The following PREX1 variants were observed in gnomAD, a reference collection of about 807,000 sequenced individuals.
PREX1 encodes phosphatidylinositol 3,4,5-trisphosphate-dependent Rac exchanger 1 protein.
In PREX1, 41 loss-of-function variants were observed where a neutral mutation model predicts 198.3. That is an observed-to-expected ratio of 0.21 (90% CI 0.16 to 0.27). The LOEUF is 0.27. Ranked by LOEUF, PREX1 falls within the 10% of genes least tolerant of loss-of-function variation. The pLI, the probability that PREX1 is intolerant of heterozygous loss-of-function variation, is 1.00. For missense variants in PREX1, 1,620 were observed against 2,200.7 expected, an observed-to-expected ratio of 0.74 and a Z score of 5.28; for synonymous variants, 843 against 887.2, an observed-to-expected ratio of 0.95 and a Z score of 0.89.
chr20:48,877,280 A>C, the PREX1 span, among the ~76,000 whole-genome samples: 1 of 152,132 alleles, frequency 6.6e-6, no homozygotes, highest in African/African-American at 2.4e-5. Context: ...TCAAAAAAAA[A>C]AAAAGAAAGA....
At chr20:48,662,400 C>A (rs6122709) in intron 15 of PREX1, among the ~76,000 whole-genome samples, 8,575 of 152,258 alleles carry the variant, frequency 0.056, 314 homozygotes, top group South Asian at 0.13. Flanking sequence ...GCTGCTGGTC[C>A]GGCTTTATAG....
chr20:48,660,306 T>C (rs1162580835), intron 15 of PREX1, among the ~76,000 whole-genome samples: 2 of 152,202 alleles, frequency 1.3e-5, no homozygotes, highest in African/African-American at 4.8e-5. Context: ...GACATTAATA[T>C]TTTACAAAGC....
Position 48,639,085 on chromosome 20 carries a change from C to T in PREX1, c.3904+681G>A, listed in dbSNP as rs544949018. Among the ~76,000 whole-genome samples, 5 of 152,338 alleles carry T rather than the reference C, an allele frequency of 3.3e-5. No individual in the cohort carries two copies. The South Asian group carries it at 6.2e-4, about 19-fold the overall frequency. On this transcript the variant is annotated intron_variant, in intron 30 of 39. Coordinates refer to ENST00000371941, the MANE Select transcript of PREX1 (RefSeq NM_020820.4). Reference sequence around the variant, plus strand: ...ATCCTTCTAACGCAGGAGTCTCAGACGCAAATGCCGGCAAGGGCCAGGCAG... The same window carrying T: ...ATCCTTCTAACGCAGGAGTCTCAGATGCAAATGCCGGCAAGGGCCAGGCAG...
At chr20:48,840,761 TC>T in the PREX1 span, among the ~76,000 whole-genome samples, 8 of 152,204 alleles carry the variant, frequency 5.3e-5, no homozygotes, top group Admixed American at 5.2e-4. Context: ...TTCTGTGAGC[TC>T]CCATAGCTGT....
intron 1 of PREX1, among the ~76,000 whole-genome samples, chr20:48,774,212 T>G (rs1027104268): frequency 6.6e-6 from 1 of 152,234 alleles, no homozygotes; most frequent in Non-Finnish European, 1.5e-5. Context: ...AGCAAATCCT[T>G]GCACAATGTG....
rs1270031538 is a variant in PREX1 at position 48,666,178 on chromosome 20, G to A, written c.1738+105C>T. On this transcript the variant is annotated intron_variant, in intron 15 of 39. Coordinates refer to ENST00000371941, the MANE Select transcript of PREX1 (RefSeq NM_020820.4). The surrounding 1 kb of genome is among the most constrained non-coding windows in gnomAD (Gnocchi z 4.3). ...TCGTGAGCCTCCCCAAACCCCCGGG[G>A]GTCTAGAGAGCCACAGACCTGGCTT... 2 of 1,180,340 alleles carry A rather than the reference G, an allele frequency of 1.7e-6. No individual in the cohort carries two copies. The highest frequency in any genetic ancestry group is 2.6e-5 in the East Asian group (1 of 38,530). The allele number at this position is 1,180,340 out of a possible 1,614,324, so 73.1% of individuals were successfully genotyped here.
At chr20:48,705,682 G>T (rs2089899633) in intron 6 of PREX1, among the ~76,000 whole-genome samples, 1 of 152,176 alleles carries the variant, frequency 6.6e-6, no homozygotes, top group Non-Finnish European at 1.5e-5. Flanking sequence ...TTTCTAGCTA[G>T]AACGTATTAT....
intron 1 of PREX1, among the ~76,000 whole-genome samples, chr20:48,752,006 A>T (rs1439571542): frequency 6.6e-6 from 1 of 152,208 alleles, no homozygotes; most frequent in Non-Finnish European, 1.5e-5. Context: ...CGGGATGAGG[A>T]GGCTCTTGGG....
chr20:48,803,931 T>C (rs1244593302), intron 1 of PREX1, among the ~76,000 whole-genome samples: 1 of 152,232 alleles, frequency 6.6e-6, no homozygotes. Flanking sequence ...TTCAGACTCT[T>C]CAAGTTAGGG....
intron 1 of PREX1, among the ~76,000 whole-genome samples, chr20:48,803,494 G>C (rs1047501425): frequency 2.6e-5 from 4 of 152,048 alleles, no homozygotes; most frequent in African/African-American, 9.7e-5. Context: ...TGGGGTAAGG[G>C]GGCAAAAGAG....
chr20:48,767,888 GC>G (rs1444018283), intron 1 of PREX1, among the ~76,000 whole-genome samples: 1 of 152,048 alleles, frequency 6.6e-6, no homozygotes, highest in Non-Finnish European at 1.5e-5. Flanking sequence ...GCCACAAGTC[GC>G]CCCCGAGCCA....
chr20:48,666,418 A>G lies in PREX1; in HGVS notation c.1666-63T>C, dbSNP rs1190612416. 1 of 1,391,848 alleles carries G rather than the reference A, an allele frequency of 7.2e-7. No individual in the cohort carries two copies. The highest frequency in any genetic ancestry group is 2.5e-5 in the East Asian group (1 of 40,160). The allele number at this position is 1,391,848 out of a possible 1,614,324, so 86.2% of individuals were successfully genotyped here. A position where few individuals can be genotyped will look rare whatever the true frequency, so the allele number is the denominator to read the frequency against. On this transcript the variant is annotated intron_variant, in intron 14 of 39. Transcript: ENST00000371941. The surrounding 1 kb of genome is among the most constrained non-coding windows in gnomAD (Gnocchi z 4.3). ...GCATCCGAGAGGCCATGCATGGCCA[A>G]CGAGAAGCCCACAACCACCCAAGAA...
At chr20:48,770,047 T>C (rs2090228201) in intron 1 of PREX1, among the ~76,000 whole-genome samples, 1 of 152,138 alleles carries the variant, frequency 6.6e-6, no homozygotes, top group Admixed American at 6.5e-5. Context: ...TTTCTAAAAT[T>C]TTCTGCAGGA....
intron 1 of PREX1, among the ~76,000 whole-genome samples, chr20:48,806,663 G>C (rs1335155038): frequency 6.6e-6 from 1 of 152,220 alleles, no homozygotes; most frequent in East Asian, 1.9e-4. Context: ...AGTAAGAGGA[G>C]GAGCCGGGAC....
the PREX1 span, among the ~76,000 whole-genome samples, chr20:48,847,364 TAAAAAAAA>T: frequency 2.6e-5 from 2 of 77,236 alleles, no homozygotes; most frequent in African/African-American, 1.0e-4. Context: ...CCTTCTCTTA[TAAAAAAAA>T]AAAAAAAAAA....
At chr20:48,646,146 A>G in intron 25 of PREX1, 89 bp from the exon 26 acceptor site, 1 of 1,313,852 alleles carries the variant, frequency 7.6e-7, no homozygotes, top group Non-Finnish European at 1.1e-6. Context: ...TGCAGGTGTG[A>G]GCACTGGCCC....
intron 1 of PREX1, among the ~76,000 whole-genome samples, chr20:48,798,811 T>C (rs921559514): frequency 6.6e-6 from 1 of 152,220 alleles, no homozygotes; most frequent in Admixed American, 6.5e-5. Flanking sequence ...TAGAAGGAAC[T>C]GTGTATCTGA....
At chr20:48,669,981 A>G (rs114648360) in intron 14 of PREX1, among the ~76,000 whole-genome samples, 96 of 152,288 alleles carry the variant, frequency 6.3e-4, no homozygotes, top group African/African-American at 2.3e-3. Context: ...CCCACCATGT[A>G]CAAGGAGCTG....
intron 4 of PREX1, among the ~76,000 whole-genome samples, chr20:48,729,222 GCACAC>G (rs1266675536): frequency 1.3e-5 from 2 of 152,032 alleles, no homozygotes; most frequent in Non-Finnish European, 2.9e-5. Flanking sequence ...GATTACAGGT[GCACAC>G]CACCATGCCC....
Sources: allele counts gnomAD v4.1 joint callset (sites outside exome capture counted in the v4.1 genomes callset), GRCh38; gene constraint gnomAD v4.1.1; non-coding constraint Gnocchi (gnomAD v3.1); transcripts MANE v1.5; gene names NCBI Gene and HGNC (gene_info 2026-07-23, HGNC 2026-07-21).